DCUN1D5: variants seen among roughly 807,000 people sequenced by gnomAD.
The protein encoded by DCUN1D5 is DCN1-like protein 5.
A neutral mutation model predicts 38.3 loss-of-function variants in DCUN1D5; 10 were observed. The observed-to-expected ratio is 0.26, with a 90% CI of 0.16 to 0.44. DCUN1D5 has a LOEUF of 0.44. Ranked by LOEUF, DCUN1D5 falls within the 20% of genes least tolerant of loss-of-function variation. The probability of loss-of-function intolerance (pLI) is 1.00; values close to 1 mark genes in which losing one functional copy is unlikely to be tolerated. For missense variants in DCUN1D5, 148 were observed against 275.3 expected (o/e 0.54, Z 3.27); for synonymous variants, 93 against 90.9 (o/e 1.02, Z -0.13).
rs946243967 is a variant in DCUN1D5 at position 103,064,095 on chromosome 11, A to AT, written c.658+179dup. On this transcript the variant is annotated intron_variant, in intron 7 of 7. Transcript: ENST00000260247. This position sits in a 1 kb window ranked among gnomAD's most constrained non-coding sequence, Gnocchi z 4.5. ...GAAAACATTTCATTTACCAGCATAG[A>AT]TTTTATATAATACTGCTGAATCTAA... Among the ~76,000 whole-genome samples, 5 of 152,138 alleles carry AT rather than the reference A, an allele frequency of 3.3e-5. No homozygotes were observed. Among genetic ancestry groups the AT allele is most frequent in the African/African-American group, 1.2e-4 (5 of 41,444 alleles).
chr11:103,089,139 G>A, intron 2 of DCUN1D5, 88 bp downstream of exon 2: 2 of 1,310,860 alleles, frequency 1.5e-6, no homozygotes. Context: ...ACACATAGCA[G>A]GCCTGTAACA....
Position 103,091,637 on chromosome 11 carries a change from T to C in DCUN1D5, c.86+150A>G. On this transcript the variant is annotated intron_variant, in intron 1 of 7. Coordinates refer to ENST00000260247, the MANE Select transcript of DCUN1D5 (RefSeq NM_032299.4). The surrounding 1 kb of genome is among the most constrained non-coding windows in gnomAD (Gnocchi z 4.3). ...ACGAGGTCGGGTCGGGCGCGGAGAC[T>C]CGCGGTGTTCGGCACCTACAGCCTA... 2 of 1,449,532 alleles carry C rather than the reference T, an allele frequency of 1.4e-6. No homozygotes were observed. The highest frequency in any genetic ancestry group is 2.0e-4 in the Middle Eastern group (1 of 4,958). 89.8% of individuals were successfully genotyped at this position (1,449,532 alleles called of 1,614,324 possible).
intron 4 of DCUN1D5, among the ~76,000 whole-genome samples, chr11:103,070,518 A>C (rs142079326): frequency 6.6e-6 from 1 of 152,190 alleles, no homozygotes; most frequent in Non-Finnish European, 1.5e-5. Context: ...TAGCAATCCT[A>C]AACAATTCTA....
chr11:103,065,437 G>A lies in DCUN1D5; in HGVS notation c.555+832C>T, dbSNP rs1406411470. ...CTCCCAACGTGCTGGGATTACAGGC[G>A]TGTGCCACCACGCCCAGCTGATATC... is the stretch of plus-strand genomic sequence containing the variant. On this transcript the variant is annotated intron_variant, in intron 6 of 7. Transcript: ENST00000260247. The surrounding 1 kb of genome is among the most constrained non-coding windows in gnomAD (Gnocchi z 4.6). Among the ~76,000 whole-genome samples, 4 of 152,110 alleles carry A rather than the reference G, an allele frequency of 2.6e-5. No homozygotes were observed. The highest frequency in any genetic ancestry group is 7.2e-5 in the African/African-American group (3 of 41,420).
chr11:103,092,032 C>A lies in DCUN1D5; in HGVS notation c.-160G>T. ...CGCGGCCCAGCCCGGCCGCCGCCCG[C>A]TCCCAGGTATCCTCGTCGTCTTTCT... On this transcript the variant is annotated 5_prime_UTR_variant, in exon 1 of 8. Coordinates refer to ENST00000260247, the MANE Select transcript of DCUN1D5 (RefSeq NM_032299.4). 3 of 630,774 alleles carry A rather than the reference C, an allele frequency of 4.8e-6. No individual in the cohort carries two copies. In the South Asian group the frequency reaches 5.9e-5, roughly 12 times the overall value. 39.1% of individuals were successfully genotyped at this position (630,774 alleles called of 1,614,324 possible). A position where few individuals can be genotyped will look rare whatever the true frequency, so the allele number is the denominator to read the frequency against.
rs201849536 is a variant in DCUN1D5, at chr11:103,068,177, G to GT, written c.342-1611dup. ...GCATTATCTTCATCCCTTTTTTGTT[G>GT]TTTTTCTTGACCAATCTTACCAGAA... On this transcript the variant is annotated intron_variant, in intron 4 of 7. Coordinates refer to ENST00000260247, the MANE Select transcript of DCUN1D5 (RefSeq NM_032299.4). 5.4e-3 allele frequency among the ~76,000 whole-genome samples: 822 copies of GT among 151,344 alleles called. 3 individuals carry two copies. The highest frequency in any genetic ancestry group is 0.019 in the African/African-American group (781 of 41,308).
rs556709045 is a variant in DCUN1D5, at chr11:103,065,228, T to C, written c.556-851A>G. 7.2e-5 allele frequency among the ~76,000 whole-genome samples: 11 copies of C among 152,100 alleles called. No individual in the cohort carries two copies. The South Asian group carries it at 2.3e-3, about 32-fold the overall frequency. On this transcript the variant is annotated intron_variant, in intron 6 of 7. Coordinates refer to ENST00000260247, the MANE Select transcript of DCUN1D5 (RefSeq NM_032299.4). The surrounding 1 kb of genome is among the most constrained non-coding windows in gnomAD (Gnocchi z 4.6). ...GTGTAGTGGTGCAATCTCAGCTTAC[T>C]GCAACCTCCACCTCCCTGGTTCAAG... is the stretch of plus-strand genomic sequence containing the variant.
At chr11:103,074,401 CTGAG>C (rs1352810374) in intron 4 of DCUN1D5, among the ~76,000 whole-genome samples, 2 of 152,010 alleles carry the variant, frequency 1.3e-5, no homozygotes, top group African/African-American at 2.4e-5. Context: ...ATCTCATCTG[CTGAG>C]TGTTTGTTTG....
At chr11:103,067,976 T>C (rs1225351492) in intron 4 of DCUN1D5, among the ~76,000 whole-genome samples, 12 of 152,298 alleles carry the variant, frequency 7.9e-5, no homozygotes, top group South Asian at 2.1e-4. Context: ...CAGGTGAGTA[T>C]TGAGGGAAGG....
In DCUN1D5 at chr11:103,077,158, C is replaced by G. The variant is rs1182048574; in HGVS notation, c.341+5590G>C. 1.3e-5 allele frequency among the ~76,000 whole-genome samples: 2 copies of G among 152,058 alleles called. No homozygotes were observed. Among genetic ancestry groups the G allele is most frequent in the African/African-American group, 2.4e-5 (1 of 41,392 alleles). On this transcript the variant is annotated intron_variant, in intron 4 of 7. Transcript: ENST00000260247. This position sits in a 1 kb window ranked among gnomAD's most constrained non-coding sequence, Gnocchi z 4.3. ...GAGCTTGCAGTGAGCCGAGATCGCGCCACTGCACTCCAGCCTGGGAGACTG... is the reference window on the plus strand; with the variant it reads ...GAGCTTGCAGTGAGCCGAGATCGCGGCACTGCACTCCAGCCTGGGAGACTG...
intron 4 of DCUN1D5, among the ~76,000 whole-genome samples, chr11:103,075,275 G>A (rs115625409): frequency 0.014 from 2,079 of 152,266 alleles, 43 homozygotes; most frequent in African/African-American, 0.046. Context: ...GAATAGGTAG[G>A]TTTCTTCAGG....
Position 103,062,532 on chromosome 11 carries a change from T to C in DCUN1D5, c.659-118A>G. On this transcript the variant is annotated intron_variant, in intron 7 of 7. Coordinates refer to ENST00000260247, the MANE Select transcript of DCUN1D5 (RefSeq NM_032299.4). This position sits in a 1 kb window ranked among gnomAD's most constrained non-coding sequence, Gnocchi z 4.6. The stretch of plus-strand genomic sequence containing the variant: ...AATGACCCTTCCTTTCTTTGGGTGT[T>C]CTGCTTCTAGACACCTTATTCCATT... 1 of 843,476 alleles carries C rather than the reference T, an allele frequency of 1.2e-6. No individual in the cohort carries two copies. The allele number at this position is 843,476 out of a possible 1,614,324, so 52.2% of individuals were successfully genotyped here. A position where few individuals can be genotyped will look rare whatever the true frequency, so the allele number is the denominator to read the frequency against.
At chr11:103,069,555 G>C (rs11225537) in intron 4 of DCUN1D5, among the ~76,000 whole-genome samples, 1 of 152,284 alleles carries the variant, frequency 6.6e-6, no homozygotes, top group East Asian at 1.9e-4. Flanking sequence ...GCTCTTGCCA[G>C]GTAGTAACAA....
chr11:103,064,509 G>A lies in DCUN1D5; in HGVS notation c.556-132C>T. On this transcript the variant is annotated intron_variant, in intron 6 of 7. Transcript: ENST00000260247. This position sits in a 1 kb window ranked among gnomAD's most constrained non-coding sequence, Gnocchi z 4.5. ...ACATTTACTATTTTTTTAATTATTT[G>A]TGTTTCTAAGAGATTCCTCATGGGC... 1.5e-6 allele frequency: 1 copy of A among 653,538 alleles called. No homozygotes were observed. The allele number at this position is 653,538 out of a possible 1,614,324, so 40.5% of individuals were successfully genotyped here. A position where few individuals can be genotyped will look rare whatever the true frequency, so the allele number is the denominator to read the frequency against.
intron 4 of DCUN1D5, among the ~76,000 whole-genome samples, chr11:103,074,347 G>A (rs558172398): frequency 6.6e-6 from 1 of 152,108 alleles, no homozygotes; most frequent in South Asian, 2.1e-4. Flanking sequence ...CTTAGATATC[G>A]TAGATCACTG....
At position 103,092,105 on chromosome 11, in the gene DCUN1D5, T is replaced by C; in HGVS notation, c.-233A>G. 1 of 502,108 alleles carries C rather than the reference T, an allele frequency of 2.0e-6. No individual in the cohort carries two copies. Among genetic ancestry groups the C allele is most frequent in the Non-Finnish European group, 3.5e-6 (1 of 284,226 alleles). 31.1% of individuals were successfully genotyped at this position (502,108 alleles called of 1,614,324 possible). A position where few individuals can be genotyped will look rare whatever the true frequency, so the allele number is the denominator to read the frequency against. Reference sequence around the variant, plus strand: ...CTCGCCGGTGGACACTGCGGTTCGTTCTCACCGGGAGGAGATAACGCGGAC... The same window carrying C: ...CTCGCCGGTGGACACTGCGGTTCGTCCTCACCGGGAGGAGATAACGCGGAC... On this transcript the variant is annotated 5_prime_UTR_variant, in exon 1 of 8. Transcript: ENST00000260247.
At chr11:103,080,077 ATG>A (rs1315139699) in intron 4 of DCUN1D5, 20 of 152,342 alleles carry the variant, frequency 1.3e-4, no homozygotes, top group African/African-American at 4.8e-4. Flanking sequence ...ATGACTAATC[ATG>A]ATTATTACAG....
rs1862257938 is a variant in DCUN1D5 at position 103,071,030 on chromosome 11, C to T, written c.342-4463G>A. 6.6e-6 allele frequency among the ~76,000 whole-genome samples: 1 copy of T among 151,978 alleles called. No individual in the cohort carries two copies. The highest frequency in any genetic ancestry group is 6.6e-5 in the Admixed American group (1 of 15,252). On this transcript the variant is annotated intron_variant, in intron 4 of 7. Coordinates refer to ENST00000260247, the MANE Select transcript of DCUN1D5 (RefSeq NM_032299.4). This position sits in a 1 kb window ranked among gnomAD's most constrained non-coding sequence, Gnocchi z 4.1. ...TACATTAAACTAAATGAAAATACAA[C>T]ATATCAAAATGTTGACATACAAATA...
chr11:103,083,555 G>A lies in DCUN1D5; in HGVS notation c.179-229C>T, dbSNP rs1862622764. 6.6e-6 allele frequency among the ~76,000 whole-genome samples: 1 copy of A among 151,680 alleles called. No individual in the cohort carries two copies. The highest frequency in any genetic ancestry group is 6.6e-5 in the Admixed American group (1 of 15,252). On this transcript the variant is annotated intron_variant, in intron 2 of 7. Coordinates refer to ENST00000260247, the MANE Select transcript of DCUN1D5 (RefSeq NM_032299.4). The surrounding 1 kb of genome is among the most constrained non-coding windows in gnomAD (Gnocchi z 4.4). ...ATATGAAATTAAGAAAATTTAAAAA[G>A]CAGCAAAGAAATACTCCATTAGTAT...
Sources: allele counts gnomAD v4.1 joint callset (sites outside exome capture counted in the v4.1 genomes callset), GRCh38; gene constraint gnomAD v4.1.1; non-coding constraint Gnocchi (gnomAD v3.1); transcripts MANE v1.5; gene names NCBI Gene and HGNC (gene_info 2026-07-23, HGNC 2026-07-21).